The following KCNQ1 variants were observed in gnomAD, a reference collection of about 807,000 sequenced individuals.
KCNQ1 encodes the protein potassium voltage-gated channel subfamily KQT member 1.
KCNQ1 carries 49 observed loss-of-function variants against 72.4 expected under a neutral mutation model. That is an observed-to-expected ratio of 0.68 (90% CI 0.54 to 0.86). The LOEUF is 0.86. KCNQ1 is among the 40% of genes least tolerant of loss of function. KCNQ1 has a pLI of 0.00. For missense variants in KCNQ1, 790 were observed against 945.1 expected (o/e 0.84, Z 2.15); for synonymous variants, 450 against 412.6 (o/e 1.09, Z -1.10).
chr11:2,778,268 G>C (rs1266282030), intron 15 of KCNQ1, among the ~76,000 whole-genome samples: 1 of 152,252 alleles, frequency 6.6e-6, no homozygotes, highest in Non-Finnish European at 1.5e-5. Flanking sequence ...CTCATCCTCT[G>C]ACAAGTGGCG....
At chr11:2,616,329 C>CAA (rs1419570603) in intron 10 of KCNQ1, 1 of 396,986 alleles carries the variant, frequency 2.5e-6, no homozygotes, top group East Asian at 3.6e-5. Flanking sequence ...TTGATCTTTT[C>CAA]AAAAACAAGC....
chr11:2,642,855 G>C lies in KCNQ1; in HGVS notation c.1394-19106G>C. The stretch of plus-strand genomic sequence containing the variant: ...TGCAGTATCCCTTAAGTTTCAGAAT[G>C]TTGTGCTTCTATTTTCACTTGTTTC... On this transcript the variant is annotated intron_variant, in intron 10 of 15. Transcript: ENST00000155840. This position sits in a 1 kb window ranked among gnomAD's most constrained non-coding sequence, Gnocchi z 4.3. 2.5e-6 allele frequency: 1 copy of C among 397,746 alleles called. No homozygotes were observed. The highest frequency in any genetic ancestry group is 4.4e-6 in the Non-Finnish European group (1 of 225,650). The allele number at this position is 397,746 out of a possible 1,614,324, so 24.6% of individuals were successfully genotyped here.
At position 2,491,997 on chromosome 11, in the gene KCNQ1, G is replaced by A. The variant is rs7108603; in HGVS notation, c.387-35931G>A. ...TCTGGTGAAAATATCCTTCCAACAT[G>A]AAGGAGAAATACAGACCTTCCCAGA... On this transcript the variant is annotated intron_variant, in intron 1 of 15. Coordinates refer to ENST00000155840, the MANE Select transcript of KCNQ1 (RefSeq NM_000218.3). The surrounding 1 kb of genome is among the most constrained non-coding windows in gnomAD (Gnocchi z 4.1). Among the ~76,000 whole-genome samples the A allele has an allele frequency of 0.55, 83,747 of 151,986 alleles. 24,227 individuals are homozygous for A. The highest frequency in any genetic ancestry group is 0.64 in the Non-Finnish European group (43,578 of 67,944).
At chr11:2,631,388 T>G (rs1362194824) in intron 10 of KCNQ1, 1 of 398,592 alleles carries the variant, frequency 2.5e-6, no homozygotes, top group Non-Finnish European at 4.4e-6. Flanking sequence ...ATTTCACTTT[T>G]CATTTCATGC....
In KCNQ1 at chr11:2,544,866, G is replaced by C. The variant is rs1372833488; in HGVS notation, c.477+16848G>C. Reference sequence around the variant, plus strand: ...GCAGTGTCCAATACAAGTGAACACTGCTGTGTCCCCAGCCTTAGAAGACAC... The same window carrying C: ...GCAGTGTCCAATACAAGTGAACACTCCTGTGTCCCCAGCCTTAGAAGACAC... On this transcript the variant is annotated intron_variant, in intron 2 of 15. Coordinates refer to ENST00000155840, the MANE Select transcript of KCNQ1 (RefSeq NM_000218.3). This position sits in a 1 kb window ranked among gnomAD's most constrained non-coding sequence, Gnocchi z 4.4. Among the ~76,000 whole-genome samples, 1 of 152,166 alleles carries C rather than the reference G, an allele frequency of 6.6e-6. No individual in the cohort carries two copies. The highest frequency in any genetic ancestry group is 2.4e-5 in the African/African-American group (1 of 41,416).
chr11:2,835,995 TAGG>T (rs1316381754), intron 15 of KCNQ1, among the ~76,000 whole-genome samples: 2 of 150,138 alleles, frequency 1.3e-5, no homozygotes, highest in South Asian at 2.1e-4. Context: ...ATCGAAGTCA[TAGG>T]AGGCGGGGCA....
chr11:2,457,226 G>C lies in KCNQ1; in HGVS notation c.386+11742G>C, dbSNP rs1345194105. ...AGTGTAAATGAGTCCAGCCACCATG[G>C]AAGGCAGTTTGGAGATTTCCCAAAG... On this transcript the variant is annotated intron_variant, in intron 1 of 15. Coordinates refer to ENST00000155840, the MANE Select transcript of KCNQ1 (RefSeq NM_000218.3). The surrounding 1 kb of genome is among the most constrained non-coding windows in gnomAD (Gnocchi z 5.0). Among the ~76,000 whole-genome samples the C allele has an allele frequency of 1.3e-5, 2 of 152,140 alleles. No homozygotes were observed. The highest frequency in any genetic ancestry group is 1.3e-4 in the Admixed American group (2 of 15,270).
chr11:2,655,710 C>T (rs1466766183), intron 10 of KCNQ1: 4 of 395,982 alleles, frequency 1.0e-5, no homozygotes, highest in Non-Finnish European at 1.8e-5. Flanking sequence ...CCATGCTCTC[C>T]TAGATGCCTG....
In KCNQ1 at chr11:2,751,917, C is replaced by T. The variant is rs1440231140; in HGVS notation, c.1515-16927C>T. ...ATAGCATGGCTGACCTTCCTCTGAGCCCCTCGTGGATGCCCACACACGGCA... is the reference window on the plus strand; with the variant it reads ...ATAGCATGGCTGACCTTCCTCTGAGTCCCTCGTGGATGCCCACACACGGCA... On this transcript the variant is annotated intron_variant, in intron 11 of 15. Coordinates refer to ENST00000155840, the MANE Select transcript of KCNQ1 (RefSeq NM_000218.3). Among the ~76,000 whole-genome samples, 3 of 152,224 alleles carry T rather than the reference C, an allele frequency of 2.0e-5. No individual in the cohort carries two copies. In the East Asian group the frequency reaches 5.8e-4, roughly 29 times the overall value.
chr11:2,473,671 G>A lies in KCNQ1; in HGVS notation c.386+28187G>A, dbSNP rs1022106203. ...GGCCTCAGTTGGCCTGGCCTGGCGC[G>A]GGGCTGCCAGCCAAGAGCCTTCCTC... On this transcript the variant is annotated intron_variant, in intron 1 of 15. Transcript: ENST00000155840. The surrounding 1 kb of genome is among the most constrained non-coding windows in gnomAD (Gnocchi z 6.0). Among the ~76,000 whole-genome samples the A allele has an allele frequency of 1.3e-4, 20 of 152,304 alleles. No homozygotes were observed. Among genetic ancestry groups the A allele is most frequent in the African/African-American group, 2.9e-4 (12 of 41,574 alleles).
At chr11:2,616,636 CTTT>C (rs1849068865) in intron 10 of KCNQ1, 2 of 398,020 alleles carry the variant, frequency 5.0e-6, no homozygotes, top group South Asian at 1.3e-4. Context: ...CTGATGTCTT[CTTT>C]GACACAATAA....
At chr11:2,641,276 A>G (rs974677373) in intron 10 of KCNQ1, 2 of 398,348 alleles carry the variant, frequency 5.0e-6, no homozygotes, top group Non-Finnish European at 4.4e-6. Flanking sequence ...ATTCCCACCA[A>G]CAGTGTATAA....
intron 11 of KCNQ1, chr11:2,688,817 A>C: frequency 2.5e-6 from 1 of 398,820 alleles, no homozygotes; most frequent in East Asian, 3.6e-5. Context: ...CACCTGGCCC[A>C]TCCCACAAAG....
Position 2,579,738 on chromosome 11 carries a change from T to C in KCNQ1, c.922-3697T>C, listed in dbSNP as rs1283117196. Among the ~76,000 whole-genome samples the C allele has an allele frequency of 6.6e-6, 1 of 151,914 alleles. No homozygotes were observed. The highest frequency in any genetic ancestry group is 1.5e-5 in the Non-Finnish European group (1 of 67,964). On this transcript the variant is annotated intron_variant, in intron 6 of 15. Coordinates refer to ENST00000155840, the MANE Select transcript of KCNQ1 (RefSeq NM_000218.3). The surrounding 1 kb of genome is among the most constrained non-coding windows in gnomAD (Gnocchi z 6.0). The stretch of plus-strand genomic sequence containing the variant: ...GGCACTTCTGGGGCTGGCCTTTCTC[T>C]CCCTCTCGGGGCACCCCTGCCTTCT...
intron 2 of KCNQ1, among the ~76,000 whole-genome samples, chr11:2,569,618 G>A (rs190537339): frequency 3.9e-5 from 6 of 152,168 alleles, no homozygotes; most frequent in Non-Finnish European, 7.4e-5. Flanking sequence ...TCTCACACGT[G>A]GGGGCTGGTT....
rs1490905158 is a variant in KCNQ1 at position 2,484,673 on chromosome 11, G to T, written c.386+39189G>T. ...AGGAGCCAGGGTTCCTTCCATTGGAGAGTGGTCTTTAGAAACCCAGGCCTG... is the reference window on the plus strand; with the variant it reads ...AGGAGCCAGGGTTCCTTCCATTGGATAGTGGTCTTTAGAAACCCAGGCCTG... On this transcript the variant is annotated intron_variant, in intron 1 of 15. Transcript: ENST00000155840. This position sits in a 1 kb window ranked among gnomAD's most constrained non-coding sequence, Gnocchi z 5.2. 2.6e-5 allele frequency among the ~76,000 whole-genome samples: 4 copies of T among 152,132 alleles called. No homozygotes were observed. Among genetic ancestry groups the T allele is most frequent in the African/African-American group, 7.2e-5 (3 of 41,414 alleles).
At chr11:2,728,671 T>C (rs975691046) in intron 11 of KCNQ1, among the ~76,000 whole-genome samples, 35 of 152,230 alleles carry the variant, frequency 2.3e-4, no homozygotes, top group African/African-American at 7.7e-4. Flanking sequence ...GGGTGGCCAG[T>C]TGGGCATGGG....
intron 2 of KCNQ1, among the ~76,000 whole-genome samples, chr11:2,558,739 G>T (rs377105631): frequency 6.6e-6 from 1 of 152,158 alleles, no homozygotes; most frequent in Non-Finnish European, 1.5e-5. Context: ...GTAAGGCACC[G>T]GCAGTACATG....
chr11:2,658,727 A>G lies in KCNQ1; in HGVS notation c.1394-3234A>G. The G allele has an allele frequency of 2.5e-6, 1 of 398,566 alleles. No homozygotes were observed. The highest frequency in any genetic ancestry group is 4.4e-6 in the Non-Finnish European group (1 of 226,062). The allele number at this position is 398,566 out of a possible 1,614,324, so 24.7% of individuals were successfully genotyped here. On this transcript the variant is annotated intron_variant, in intron 10 of 15. Transcript: ENST00000155840. The surrounding 1 kb of genome is among the most constrained non-coding windows in gnomAD (Gnocchi z 4.9). ...GTAACCTGAGTACACATACATCTTTACATATCTGTATCTATATAAAGCTAA... is the reference window on the plus strand; with the variant it reads ...GTAACCTGAGTACACATACATCTTTGCATATCTGTATCTATATAAAGCTAA...
Sources: allele counts gnomAD v4.1 joint callset (sites outside exome capture counted in the v4.1 genomes callset), GRCh38; gene constraint gnomAD v4.1.1; non-coding constraint Gnocchi (gnomAD v3.1); transcripts MANE v1.5; gene names NCBI Gene and HGNC (gene_info 2026-07-23, HGNC 2026-07-21).